AAK1: variants seen among roughly 807,000 people sequenced by gnomAD.
The protein encoded by AAK1 is AP2 associated kinase 1.
In AAK1, 37 loss-of-function variants were observed where a neutral mutation model predicts 116.0. The ratio of observed to expected loss-of-function variants is 0.32; its 90% CI spans 0.25 to 0.42. AAK1 has a LOEUF of 0.42. Ranked by LOEUF, AAK1 falls within the 10% of genes least tolerant of loss-of-function variation. AAK1 has a pLI of 1.00. For synonymous variants in AAK1, 458 were observed against 439.9 expected (o/e 1.04, Z -0.51); for missense variants, 919 against 1,170.6 (o/e 0.79, Z 3.14).
chr2:69,552,724 A>T (rs566820923), intron 3 of AAK1, among the ~76,000 whole-genome samples: 49 of 152,266 alleles, frequency 3.2e-4, no homozygotes, highest in African/African-American at 1.2e-3. Flanking sequence ...AAAAAAGAAA[A>T]AAAAAAACTC....
chr2:69,620,856 C>A lies in AAK1; in HGVS notation c.163+22022G>T, dbSNP rs140796980. 6.3e-3 allele frequency among the ~76,000 whole-genome samples: 967 copies of A among 152,294 alleles called. 20 individuals are homozygous for A. The highest frequency in any genetic ancestry group is 0.012 in the East Asian group (63 of 5,192). ...GATTTGCAAACTTGAATACAAGTAT[C>A]CCTGTATGGACAGCTTCAAACAAAT... On this transcript the variant is annotated intron_variant, in intron 2 of 21. Coordinates refer to ENST00000409085, the MANE Select transcript of AAK1 (RefSeq NM_014911.5).
intron 17 of AAK1, among the ~76,000 whole-genome samples, chr2:69,485,625 G>C (rs1675265548): frequency 6.6e-6 from 1 of 152,026 alleles, no homozygotes; most frequent in Admixed American, 6.5e-5. Context: ...CTTGACTGGG[G>C]AGGTGGAAAG....
At position 69,462,790 on chromosome 2, in the gene AAK1, G is replaced by A. The variant is rs1290949222; in HGVS notation, c.*13079C>T. ...GATAATGACCATGGGAAGAATCTGG[G>A]GTGCAAAGTTCCACGTGCATTAGCC... On this transcript the variant is annotated 3_prime_UTR_variant, in exon 22 of 22. Transcript: ENST00000409085. The A allele has an allele frequency of 6.6e-6, 1 of 152,124 alleles. No individual in the cohort carries two copies. Among genetic ancestry groups the A allele is most frequent in the Non-Finnish European group, 1.5e-5 (1 of 68,034 alleles). The allele number at this position is 152,124 out of a possible 1,614,324, so 9.4% of individuals were successfully genotyped here.
intron 2 of AAK1, among the ~76,000 whole-genome samples, chr2:69,621,503 A>G (rs1226858201): frequency 6.6e-6 from 1 of 152,152 alleles, no homozygotes; most frequent in African/African-American, 2.4e-5. Flanking sequence ...AGTAAAGGCA[A>G]TTTGTAATTT....
chr2:69,588,824 T>G (rs548412989), intron 2 of AAK1, among the ~76,000 whole-genome samples: 1 of 152,320 alleles, frequency 6.6e-6, no homozygotes, highest in South Asian at 2.1e-4. Context: ...TTTACTATTG[T>G]TAGGACTATC....
At chr2:69,612,073 G>A (rs113586969) in intron 2 of AAK1, among the ~76,000 whole-genome samples, 14 of 152,170 alleles carry the variant, frequency 9.2e-5, no homozygotes, top group African/African-American at 3.4e-4. Context: ...GGAGATGGAT[G>A]GTGGTCATGA....
rs1223235718 is a variant in AAK1 at position 69,468,955 on chromosome 2, A to G, written c.*6914T>C. ...TGGGAAAATCAGACTTAAAATTCCA[A>G]CAACTTTGAATAATTTACAAAAACA... On this transcript the variant is annotated 3_prime_UTR_variant, in exon 22 of 22. Transcript: ENST00000409085. 2 of 985,332 alleles carry G rather than the reference A, an allele frequency of 2.0e-6. No homozygotes were observed. Among genetic ancestry groups the G allele is most frequent in the Non-Finnish European group, 2.4e-6 (2 of 829,936 alleles). 61.0% of individuals were successfully genotyped at this position (985,332 alleles called of 1,614,324 possible).
chr2:69,570,495 T>C (rs1456424365), intron 2 of AAK1, among the ~76,000 whole-genome samples: 1 of 152,032 alleles, frequency 6.6e-6, no homozygotes, highest in Admixed American at 6.6e-5. Context: ...AGGGAACCAC[T>C]CTTTTCTGCC....
intron 15 of AAK1, 135 bp downstream of exon 15, chr2:69,507,286 G>T: frequency 9.4e-7 from 1 of 1,058,428 alleles, no homozygotes; most frequent in Non-Finnish European, 1.3e-6. Context: ...TTGAAATCAA[G>T]CCTTATGCAA....
chr2:69,643,544 C>T, intron 1 of AAK1, 31 bp downstream of exon 1: 1 of 1,227,754 alleles, frequency 8.1e-7, no homozygotes, highest in East Asian at 3.2e-5. Flanking sequence ...CTCCCCGCCG[C>T]CCCTCGAGGC....
At chr2:69,562,247 G>A (rs1208513529) in intron 2 of AAK1, among the ~76,000 whole-genome samples, 3 of 152,188 alleles carry the variant, frequency 2.0e-5, no homozygotes, top group Non-Finnish European at 4.4e-5. Flanking sequence ...ACTTGGTGCT[G>A]TATTTTTCAT....
At chr2:69,599,668 C>T (rs1362201652) in intron 2 of AAK1, among the ~76,000 whole-genome samples, 1 of 152,154 alleles carries the variant, frequency 6.6e-6, no homozygotes, top group East Asian at 1.9e-4. Flanking sequence ...TATCAGTAAT[C>T]TCTTGGACTT....
rs1049791568 is a variant in AAK1 at position 69,494,670 on chromosome 2, C to T, written c.2365+1315G>A. Among the ~76,000 whole-genome samples the T allele has an allele frequency of 3.3e-5, 5 of 152,188 alleles. No individual in the cohort carries two copies. The South Asian group carries it at 6.2e-4, about 19-fold the overall frequency. ...ACCTTCTATTCAAAATGAACTTGTC[C>T]AAGTACTGCCAGGCATACCTGAAAA... On this transcript the variant is annotated intron_variant, in intron 17 of 21. Transcript: ENST00000409085.
chr2:69,544,187 C>T (rs1670833926), intron 4 of AAK1: 2 of 418,280 alleles, frequency 4.8e-6, no homozygotes, highest in Admixed American at 7.4e-5. Context: ...CTCATTCTTA[C>T]ACATCTTCAT....
chr2:69,533,237 C>G (rs1256701268), intron 5 of AAK1, among the ~76,000 whole-genome samples: 1 of 152,062 alleles, frequency 6.6e-6, no homozygotes, highest in Non-Finnish European at 1.5e-5. Flanking sequence ...TATTCTTGGT[C>G]TTCTCTACCT....
At chr2:69,531,981 T>C in intron 6 of AAK1, 60 bp downstream of exon 6, 1 of 1,599,600 alleles carries the variant, frequency 6.3e-7, no homozygotes. Flanking sequence ...ATCCATAAGC[T>C]GAAGGTAAAG....
At chr2:69,477,838 G>T (rs11688141) in intron 20 of AAK1, among the ~76,000 whole-genome samples, 36,080 of 152,078 alleles carry the variant, frequency 0.24, 5,575 homozygotes, top group African/African-American at 0.43. Context: ...TTCTGGGGAG[G>T]CTTCCTTCTT....
At position 69,472,035 on chromosome 2, in the gene AAK1, T is replaced by A. The variant is rs1205436874; in HGVS notation, c.*3834A>T. On this transcript the variant is annotated 3_prime_UTR_variant, in exon 22 of 22. Coordinates refer to ENST00000409085, the MANE Select transcript of AAK1 (RefSeq NM_014911.5). ...CAATATCAAATAACACTGAACAAAG[T>A]GACAACTTCTTTCAGAGGTGTTTTA... The A allele has an allele frequency of 5.1e-6, 5 of 985,286 alleles. No homozygotes were observed. Among genetic ancestry groups the A allele is most frequent in the African/African-American group, 1.7e-5 (1 of 57,246 alleles). 61.0% of individuals were successfully genotyped at this position (985,286 alleles called of 1,614,324 possible).
chr2:69,491,977 T>G (rs1472483882), intron 17 of AAK1, among the ~76,000 whole-genome samples: 3 of 151,998 alleles, frequency 2.0e-5, no homozygotes, highest in Non-Finnish European at 2.9e-5. Flanking sequence ...AAAAGAACCC[T>G]CCACTGTTTG....
Sources: gnomAD v4.1 joint callset for allele counts (sites outside exome capture counted in the v4.1 genomes callset) on GRCh38, gnomAD v4.1.1 for gene constraint, MANE v1.5 for transcripts, NCBI Gene and HGNC (gene_info 2026-07-23, HGNC 2026-07-21) for gene names.